Variants in DNAH5 observed in about 807,000 individuals in gnomAD.
DNAH5 encodes axonemal beta dynein heavy chain 5.
A neutral mutation model predicts 518.2 loss-of-function variants in DNAH5; 372 were observed. The observed-to-expected ratio is 0.72, with a 90% confidence interval of 0.66 to 0.78. DNAH5 has a LOEUF of 0.78. DNAH5 is among the 30% of genes least tolerant of loss of function. The pLI is 0.00. For missense variants in DNAH5, 5,523 were observed against 5,687.0 expected (o/e 0.97, Z 0.93); for synonymous variants, 2,039 against 2,025.9 (o/e 1.01, Z -0.17).
chr5:13,720,082 A>G lies in DNAH5; in HGVS notation c.12279+918T>C, dbSNP rs180964931. Among the ~76,000 whole-genome samples, 199 of 148,814 alleles carry G rather than the reference A, an allele frequency of 1.3e-3. 3 individuals are homozygous for G. Among genetic ancestry groups the G allele is most frequent in the Middle Eastern group, 6.9e-3 (2 of 288 alleles). On this transcript the variant is annotated intron_variant, in intron 71 of 78. Coordinates refer to ENST00000265104, the MANE Select transcript of DNAH5 (RefSeq NM_001369.3). ...ATCTTAGATCACTGACTAGAGCTGC[A>G]TGAGTTGTCTTTCAAAAAGAAAAAA... is the stretch of plus-strand genomic sequence containing the variant.
At chr5:13,715,092 C>T (rs1012156695) in intron 74 of DNAH5, among the ~76,000 whole-genome samples, 1 of 151,928 alleles carries the variant, frequency 6.6e-6, no homozygotes, top group African/African-American at 2.4e-5. Context: ...AATACAGAGA[C>T]TAGGAAAAGA....
chr5:13,967,648 T>C (rs1183375710), intron 1 of DNAH5, among the ~76,000 whole-genome samples: 3 of 152,208 alleles, frequency 2.0e-5, no homozygotes, highest in Non-Finnish European at 4.4e-5. Flanking sequence ...TTTGTTTGTT[T>C]TTTGCTGACT....
chr5:13,770,434 T>C (rs899720648), intron 56 of DNAH5, among the ~76,000 whole-genome samples: 1 of 152,168 alleles, frequency 6.6e-6, no homozygotes, highest in Non-Finnish European at 1.5e-5. Context: ...GTAGGCCACA[T>C]AAAAACCTGG....
intron 30 of DNAH5, among the ~76,000 whole-genome samples, chr5:13,853,397 A>G (rs1381206454): frequency 2.0e-5 from 3 of 152,220 alleles, no homozygotes. Flanking sequence ...TGGTAGATAA[A>G]TACACGAAGA....
At chr5:13,930,133 T>C (rs1388462492) in intron 2 of DNAH5, among the ~76,000 whole-genome samples, 2 of 152,128 alleles carry the variant, frequency 1.3e-5, no homozygotes, top group African/African-American at 4.8e-5. Context: ...ATTTTCGTGT[T>C]ATCCATTCTT....
At chr5:13,800,405 C>T (rs943910389) in intron 47 of DNAH5, among the ~76,000 whole-genome samples, 1 of 152,186 alleles carries the variant, frequency 6.6e-6, no homozygotes, top group Non-Finnish European at 1.5e-5. Flanking sequence ...TTACTCAGCA[C>T]AAAGTCTGCA....
At chr5:13,865,529 G>C (rs1308377367) in intron 27 of DNAH5, 139 bp downstream of exon 27, 4 of 729,928 alleles carry the variant, frequency 5.5e-6, no homozygotes, top group South Asian at 1.5e-5. Context: ...CATTTGACAA[G>C]AGTGATGTCA....
chr5:13,741,618 G>A (rs963240159), intron 65 of DNAH5, among the ~76,000 whole-genome samples: 3 of 152,084 alleles, frequency 2.0e-5, no homozygotes, highest in African/African-American at 4.8e-5. Context: ...CATTACGGTT[G>A]TACTAGGAAA....
At chr5:13,849,905 T>G (rs979245504) in intron 31 of DNAH5, among the ~76,000 whole-genome samples, 1 of 151,194 alleles carries the variant, frequency 6.6e-6, no homozygotes, top group South Asian at 2.1e-4. Flanking sequence ...ACTGCATCTA[T>G]GAGGGCAGCC....
chr5:13,963,663 T>C (rs942390032), intron 1 of DNAH5, among the ~76,000 whole-genome samples: 1 of 152,176 alleles, frequency 6.6e-6, no homozygotes, highest in Non-Finnish European at 1.5e-5. Flanking sequence ...TTAGTAATTA[T>C]ACTTCCATAA....
intron 1 of DNAH5, among the ~76,000 whole-genome samples, chr5:13,939,602 C>T (rs769587554): frequency 5.9e-5 from 9 of 152,082 alleles, no homozygotes; most frequent in South Asian, 2.1e-4. Context: ...TCTCCTTTCC[C>T]GGCCTCTCTC....
chr5:13,718,905 G>A lies in DNAH5; in HGVS notation c.12476C>T (p.Ala4159Val), dbSNP rs778099350. The part of the protein sequence containing the change: ...FANDPPQGLR[A>V]GLKRTYSGVS... Reference sequence around the variant, plus strand: ...ACCACTATATGTTCTTTTCAGTCCTGCCCGGAGTCCTTGTGGAGGATCGTT... The same window carrying A: ...ACCACTATATGTTCTTTTCAGTCCTACCCGGAGTCCTTGTGGAGGATCGTT... Residue 4159 changes from alanine (A) to valine (V), a missense_variant, in exon 72 of 79, where the codon GCA becomes GTA. Coordinates refer to ENST00000265104, the MANE Select transcript of DNAH5 (RefSeq NM_001369.3). 1 of 1,613,764 alleles carries A rather than the reference G, an allele frequency of 6.2e-7. No individual in the cohort carries two copies. Among genetic ancestry groups the A allele is most frequent in the South Asian group, 1.1e-5 (1 of 91,070 alleles).
chr5:13,761,965 T>C (rs1751845841), intron 60 of DNAH5, among the ~76,000 whole-genome samples: 1 of 152,204 alleles, frequency 6.6e-6, no homozygotes, highest in South Asian at 2.1e-4. Context: ...TCTTGGGTAG[T>C]TAACAAGTGT....
At chr5:13,902,488 C>T (rs759775606) in intron 12 of DNAH5, among the ~76,000 whole-genome samples, 37 of 152,224 alleles carry the variant, frequency 2.4e-4, no homozygotes, top group Non-Finnish European at 4.1e-4. Context: ...TGAAGTGCTG[C>T]CCAGTACATG....
chr5:13,893,807 G>A (rs1374606444), intron 16 of DNAH5, among the ~76,000 whole-genome samples: 2 of 151,786 alleles, frequency 1.3e-5, no homozygotes, highest in Admixed American at 6.6e-5. Flanking sequence ...AGCCTTCTAG[G>A]GGCAAGACTC....
chr5:13,766,980 A>T (rs1752591837), intron 58 of DNAH5, among the ~76,000 whole-genome samples: 1 of 152,084 alleles, frequency 6.6e-6, no homozygotes, highest in Non-Finnish European at 1.5e-5. Flanking sequence ...CATCCTTTCT[A>T]TCAAAAGACA....
intron 1 of DNAH5, among the ~76,000 whole-genome samples, chr5:13,974,976 C>G (rs76614703): frequency 6.6e-6 from 1 of 152,114 alleles, no homozygotes; most frequent in East Asian, 1.9e-4. Flanking sequence ...TGATGAGGCA[C>G]AGACTGGCCC....
At chr5:13,743,690 A>G (rs1197699072) in intron 65 of DNAH5, among the ~76,000 whole-genome samples, 1 of 152,114 alleles carries the variant, frequency 6.6e-6, no homozygotes, top group African/African-American at 2.4e-5. Flanking sequence ...AAAATGGCCA[A>G]GAAATATATG....
intron 18 of DNAH5, among the ~76,000 whole-genome samples, chr5:13,885,639 C>T (rs1015409293): frequency 6.6e-6 from 1 of 152,164 alleles, no homozygotes; most frequent in African/African-American, 2.4e-5. Flanking sequence ...AGTCTAGAGG[C>T]TCTCCAAGGG....
Sources: gnomAD v4.1 joint callset for allele counts (sites outside exome capture counted in the v4.1 genomes callset) on GRCh38, gnomAD v4.1.1 for gene constraint, MANE v1.5 for transcripts, NCBI Gene and HGNC (gene_info 2026-07-23, HGNC 2026-07-21) for gene names.